HHLA2: variants seen among roughly 807,000 people sequenced by gnomAD.
HHLA2 encodes the protein HERV-H LTR-associating protein 2.
A neutral mutation model predicts 45.9 loss-of-function variants in HHLA2; 48 were observed. The ratio of observed to expected loss-of-function variants is 1.05; its 90% confidence interval spans 0.83 to 1.33. The LOEUF is 1.33. Among genes scored for constraint, HHLA2 ranks in the 40% most tolerant of loss-of-function variants. The pLI, the probability that HHLA2 is intolerant of heterozygous loss-of-function variation, is 0.00. For missense variants in HHLA2, 462 were observed against 494.3 expected (o/e 0.93, Z 0.62); for synonymous variants, 161 against 173.9 (o/e 0.93, Z 0.59).
intron 4 of HHLA2, 32 bp from the exon 4 acceptor site, chr3:108,353,395 T>C: frequency 7.1e-7 from 1 of 1,402,788 alleles, no homozygotes; most frequent in Middle Eastern, 2.0e-4. Context: ...TGGCATTAAT[T>C]CTCTTTATAA....
intron 1 of HHLA2, among the ~76,000 whole-genome samples, chr3:108,308,657 C>T (rs1037846826): frequency 2.1e-4 from 32 of 152,214 alleles, no homozygotes; most frequent in South Asian, 2.1e-4. Flanking sequence ...CTTTTCTCCA[C>T]ATCCTTGCCA....
At chr3:108,364,842 T>A (rs2082037412) in intron 8 of HHLA2, among the ~76,000 whole-genome samples, 1 of 152,212 alleles carries the variant, frequency 6.6e-6, no homozygotes. Flanking sequence ...TTGATGGGGC[T>A]GTTTATTTTT....
Position 108,353,533 on chromosome 3 carries a change from CGAAG to C in HHLA2, c.172_175del (p.Glu58SerfsTer2). ...TCCCTTCTTCATTTGAGAGGGGATC[CGAAG>C]TCGTAATACACTGGAAGTATCAAGA... On this transcript the variant is annotated frameshift_variant, in exon 5 of 11. Transcript: ENST00000619531. LOFTEE classifies it high-confidence loss of function. The C allele has an allele frequency of 6.2e-7, 1 of 1,612,830 alleles. No homozygotes were observed. Among genetic ancestry groups the C allele is most frequent in the Non-Finnish European group, 8.5e-7 (1 of 1,179,412 alleles).
chr3:108,307,249 G>A (rs2080945198), intron 1 of HHLA2, among the ~76,000 whole-genome samples: 1 of 151,906 alleles, frequency 6.6e-6, no homozygotes, highest in African/African-American at 2.4e-5. Flanking sequence ...CTACCTCTTT[G>A]TATATGTTGT....
At chr3:108,324,613 C>T (rs55920063) in intron 2 of HHLA2, among the ~76,000 whole-genome samples, 2,330 of 152,280 alleles carry the variant, frequency 0.015, 56 homozygotes, top group African/African-American at 0.053. Context: ...TAGCTTCTAG[C>T]TTCTATGGTA....
chr3:108,371,662 C>T (rs1474819977), intron 8 of HHLA2, among the ~76,000 whole-genome samples: 1 of 152,120 alleles, frequency 6.6e-6, no homozygotes, highest in African/African-American at 2.4e-5. Context: ...CAAAAAAATG[C>T]AGGAGTTGCA....
Position 108,355,386 on chromosome 3 carries a change from G to T in HHLA2, c.685+5G>T, listed in dbSNP as rs760891977. 1 of 1,611,388 alleles carries T rather than the reference G, an allele frequency of 6.2e-7. No individual in the cohort carries two copies. Among genetic ancestry groups the T allele is most frequent in the African/African-American group, 1.3e-5 (1 of 74,918 alleles). The stretch of plus-strand genomic sequence containing the variant: ...CAGGGCGCTGGACGATGAAAGGTAG[G>T]CTCCACAGGACTTTCTGTGTACACG... On this transcript the variant is annotated splice_donor_5th_base_variant and intron_variant, in intron 6 of 10. Transcript: ENST00000619531.
intron 7 of HHLA2, among the ~76,000 whole-genome samples, chr3:108,360,762 G>A (rs1021289668): frequency 4.6e-5 from 7 of 152,136 alleles, no homozygotes; most frequent in African/African-American, 1.7e-4. Context: ...TTTTCCATTT[G>A]GTTATGTTTG....
At chr3:108,328,126 C>G (rs923364860) in intron 2 of HHLA2, 2 of 487,460 alleles carry the variant, frequency 4.1e-6, no homozygotes, top group African/African-American at 4.0e-5. Flanking sequence ...GAATGAGACT[C>G]TGTCTCGAAG....
chr3:108,329,878 C>T (rs2081354529), intron 3 of HHLA2, among the ~76,000 whole-genome samples: 1 of 152,202 alleles, frequency 6.6e-6, no homozygotes, highest in Non-Finnish European at 1.5e-5. Flanking sequence ...TTAAGACAAA[C>T]ATTTATCATC....
intron 2 of HHLA2, among the ~76,000 whole-genome samples, chr3:108,322,137 A>G (rs928473909): frequency 2.0e-5 from 3 of 152,134 alleles, no homozygotes; most frequent in Non-Finnish European, 4.4e-5. Context: ...GTAATCCCTC[A>G]ATGTCTGCTT....
In HHLA2 at chr3:108,373,540, C is replaced by T. The variant is rs182699424; in HGVS notation, c.1109-2210C>T. On this transcript the variant is annotated intron_variant, in intron 8 of 10. Coordinates refer to ENST00000619531, the Ensembl canonical transcript of HHLA2. ...TTAGGAAAACAGGAAGTCAAATTGT[C>T]CCTGTTTGCAGATGACATGACGGTA... is the stretch of plus-strand genomic sequence containing the variant. 1.1e-4 allele frequency among the ~76,000 whole-genome samples: 16 copies of T among 152,292 alleles called. No individual in the cohort carries two copies. The East Asian group carries it at 3.1e-3, about 29-fold the overall frequency.
intron 2 of HHLA2, among the ~76,000 whole-genome samples, chr3:108,322,153 T>A (rs1290770048): frequency 7.9e-5 from 12 of 152,180 alleles, no homozygotes; most frequent in Admixed American, 7.9e-4. Context: ...TGCTTAACAT[T>A]AAGAATGAGG....
chr3:108,331,194 T>A (rs541536056), intron 3 of HHLA2, among the ~76,000 whole-genome samples: 81 of 152,138 alleles, frequency 5.3e-4, no homozygotes, highest in Non-Finnish European at 1.0e-3. Context: ...CTCTCTGGAG[T>A]GTTTGTTAAA....
At chr3:108,376,602 G>A (rs755525786) in intron 10 of HHLA2, 45 bp downstream of exon 9, 5 of 1,538,482 alleles carry the variant, frequency 3.2e-6, no homozygotes, top group South Asian at 2.3e-5. Flanking sequence ...GTATAAAAAT[G>A]CTTCTTTAAA....
intron 1 of HHLA2, among the ~76,000 whole-genome samples, chr3:108,299,243 T>C (rs953507440): frequency 6.6e-6 from 1 of 151,938 alleles, no homozygotes; most frequent in Admixed American, 6.6e-5. Flanking sequence ...TCTGTAGTTA[T>C]ATCAACTTGG....
At chr3:108,302,733 T>C (rs1218283909) in intron 1 of HHLA2, 1 of 152,264 alleles carries the variant, frequency 6.6e-6, no homozygotes, top group Non-Finnish European at 1.5e-5. Context: ...CTAGTTTTAC[T>C]GTTGGAAGCC....
intron 2 of HHLA2, among the ~76,000 whole-genome samples, chr3:108,315,818 A>G (rs1232358453): frequency 6.6e-6 from 1 of 152,228 alleles, no homozygotes; most frequent in Non-Finnish European, 1.5e-5. Flanking sequence ...GATTTTTCAA[A>G]CATCTACCTG....
At chr3:108,353,383 C>T (rs1316081939) in intron 4 of HHLA2, 44 bp from the exon 4 acceptor site, 2 of 1,271,192 alleles carry the variant, frequency 1.6e-6, no homozygotes, top group Non-Finnish European at 2.2e-6. Context: ...TGAACAAGCA[C>T]ATGGCATTAA....
Sources: allele counts gnomAD v4.1 joint callset (sites outside exome capture counted in the v4.1 genomes callset), GRCh38; gene constraint gnomAD v4.1.1; transcripts MANE v1.5; gene names NCBI Gene and HGNC (gene_info 2026-07-23, HGNC 2026-07-21).